The following PPP1R16B variants were observed in gnomAD, a reference collection of about 807,000 sequenced individuals.
The protein encoded by PPP1R16B is protein phosphatase 1 regulatory inhibitor subunit 16B.
In PPP1R16B, 14 loss-of-function variants were observed where a neutral mutation model predicts 61.7. That is an observed-to-expected ratio of 0.23 (90% CI 0.15 to 0.35). The LOEUF is 0.35. PPP1R16B is among the 10% of genes least tolerant of loss of function. The pLI is 1.00. For synonymous variants in PPP1R16B, 266 were observed against 305.3 expected (o/e 0.87, Z 1.34); for missense variants, 547 against 752.5 (o/e 0.73, Z 3.19).
chr20:38,835,596 T>C (rs567776084), intron 1 of PPP1R16B, among the ~76,000 whole-genome samples: 10 of 152,384 alleles, frequency 6.6e-5, no homozygotes, highest in Non-Finnish European at 1.2e-4. Flanking sequence ...TACTTTATTC[T>C]AATTGATTTA....
At chr20:38,906,290 T>G (rs1014929268) in intron 7 of PPP1R16B, among the ~76,000 whole-genome samples, 196 bp downstream of exon 7, 7 of 120,228 alleles carry the variant, frequency 5.8e-5, no homozygotes, top group African/African-American at 1.5e-4. Context: ...TGTGTTTTTT[T>G]TTTTTTTTTT....
chr20:38,862,620 G>A (rs2085060353), intron 2 of PPP1R16B, among the ~76,000 whole-genome samples: 1 of 152,316 alleles, frequency 6.6e-6, no homozygotes, highest in South Asian at 2.1e-4. Flanking sequence ...CGTAATGGAT[G>A]GGCCTCATCA....
chr20:38,868,012 A>C (rs950893820), intron 2 of PPP1R16B, among the ~76,000 whole-genome samples: 3 of 152,116 alleles, frequency 2.0e-5, no homozygotes, highest in Non-Finnish European at 4.4e-5. Flanking sequence ...TCCCCCTAAA[A>C]TTGCAGTCCT....
At position 38,839,709 on chromosome 20, in the gene PPP1R16B, G is replaced by A. The variant is rs191589470; in HGVS notation, c.250+3534G>A. Among the ~76,000 whole-genome samples the A allele has an allele frequency of 4.0e-5, 6 of 151,854 alleles. No homozygotes were observed. The South Asian group carries it at 8.3e-4, about 21-fold the overall frequency. ...TTTCTTTTTTTTTTTCCCATCCAAC[G>A]GTATATCTTGGAGACGTTTTCATGC... On this transcript the variant is annotated intron_variant, in intron 2 of 10. Transcript: ENST00000299824.
At chr20:38,869,294 A>G (rs1441187613) in intron 2 of PPP1R16B, among the ~76,000 whole-genome samples, 139 of 151,822 alleles carry the variant, frequency 9.2e-4, no homozygotes, top group Middle Eastern at 3.4e-3. Context: ...GAGTAGCTGG[A>G]ATTACAGGCG....
intron 4 of PPP1R16B, among the ~76,000 whole-genome samples, chr20:38,897,245 C>G (rs6028187): frequency 6.6e-6 from 1 of 152,016 alleles, no homozygotes; most frequent in Non-Finnish European, 1.5e-5. Flanking sequence ...GAGAATCGCT[C>G]GAACCCAGGA....
At position 38,907,823 on chromosome 20, in the gene PPP1R16B, G is replaced by A; in HGVS notation, c.916G>A (p.Glu306Lys). The change falls in exon 9 of 11, where the codon GAG becomes AAG. Residue 306 changes from glutamate to lysine, a missense_variant. By Grantham distance (56) the Glu-to-Lys change is moderately conservative. Transcript: ENST00000299824. This position sits in a 1 kb window ranked among gnomAD's most constrained non-coding sequence, Gnocchi z 4.5. ...CCCTTCAGACCTGTGCGAGGAGGAA[G>A]AGTTCAAGGTCCTGCTGCTGGAGCT... is the stretch of plus-strand genomic sequence containing the variant. ...EMPIDLCEEE[E>K]FKVLLLELKH... The A allele has an allele frequency of 1.2e-6, 2 of 1,614,176 alleles. No individual in the cohort carries two copies. Among genetic ancestry groups the A allele is most frequent in the Non-Finnish European group, 1.7e-6 (2 of 1,180,010 alleles).
chr20:38,862,021 C>A (rs1266195828), intron 2 of PPP1R16B, among the ~76,000 whole-genome samples: 1 of 152,170 alleles, frequency 6.6e-6, no homozygotes, highest in Admixed American at 6.5e-5. Flanking sequence ...TCTTGTGAGG[C>A]TGACACCAGC....
intron 1 of PPP1R16B, among the ~76,000 whole-genome samples, chr20:38,826,026 G>A (rs1257130489): frequency 6.6e-6 from 1 of 152,192 alleles, no homozygotes; most frequent in Non-Finnish European, 1.5e-5. Flanking sequence ...AGGAAAGTTT[G>A]GTCATGAGTG....
chr20:38,914,968 G>A (rs1279687956), intron 10 of PPP1R16B, among the ~76,000 whole-genome samples: 2 of 152,112 alleles, frequency 1.3e-5, no homozygotes, highest in African/African-American at 2.4e-5. Flanking sequence ...GCACCCAGCA[G>A]GGATTTTTTT....
At position 38,835,885 on chromosome 20, in the gene PPP1R16B, C is replaced by G; in HGVS notation, c.-41C>G. 1.3e-6 allele frequency: 2 copies of G among 1,491,774 alleles called. No individual in the cohort carries two copies. The highest frequency in any genetic ancestry group is 2.6e-5 in the South Asian group (2 of 77,642). 92.4% of individuals were successfully genotyped at this position (1,491,774 alleles called of 1,614,324 possible). On this transcript the variant is annotated 5_prime_UTR_variant, in exon 2 of 11. Coordinates refer to ENST00000299824, the MANE Select transcript of PPP1R16B (RefSeq NM_015568.4). ...CGCGCTGCCCTGGCCCCCGGTGCAC[C>G]GTGCTAGCCCCCAGCCAGGGCGTTG...
chr20:38,877,205 T>C (rs1207139222), intron 2 of PPP1R16B, among the ~76,000 whole-genome samples: 2 of 152,250 alleles, frequency 1.3e-5, no homozygotes, highest in African/African-American at 4.8e-5. Context: ...ACAATGCTGC[T>C]GTGAACATCC....
chr20:38,825,107 T>C (rs947580335), intron 1 of PPP1R16B, among the ~76,000 whole-genome samples: 1 of 152,258 alleles, frequency 6.6e-6, no homozygotes, highest in Non-Finnish European at 1.5e-5. Context: ...AGAGTGGTCT[T>C]ATAAGGCAGC....
At chr20:38,849,259 T>C (rs568175630) in intron 2 of PPP1R16B, among the ~76,000 whole-genome samples, 2 of 152,076 alleles carry the variant, frequency 1.3e-5, no homozygotes, top group Non-Finnish European at 2.9e-5. Flanking sequence ...ATCTTGGGGG[T>C]TTCTATTTAG....
chr20:38,852,368 C>T (rs1601256913), intron 2 of PPP1R16B, among the ~76,000 whole-genome samples: 1 of 152,332 alleles, frequency 6.6e-6, no homozygotes, highest in Non-Finnish European at 1.5e-5. Context: ...AATTATTCTC[C>T]TGTGATCCTG....
intron 6 of PPP1R16B, 138 bp downstream of exon 6, chr20:38,902,930 C>T: frequency 1.5e-6 from 2 of 1,372,016 alleles, no homozygotes; most frequent in Non-Finnish European, 9.8e-7. Flanking sequence ...GCCAGGATTG[C>T]CCCTGGATAG....
intron 2 of PPP1R16B, among the ~76,000 whole-genome samples, chr20:38,880,267 G>A (rs530032734): frequency 3.3e-5 from 5 of 152,012 alleles, no homozygotes; most frequent in African/African-American, 4.8e-5. Context: ...TGAGAAGGGT[G>A]CCTGGCCCAG....
At chr20:38,900,503 G>C in intron 4 of PPP1R16B, 78 bp from the exon 5 acceptor site, 1 of 1,115,932 alleles carries the variant, frequency 9.0e-7, no homozygotes, top group Non-Finnish European at 1.3e-6. Flanking sequence ...GATTGCAGGC[G>C]AGAGGCCAGA....
chr20:38,909,587 T>C (rs2085472860), intron 10 of PPP1R16B, among the ~76,000 whole-genome samples: 1 of 152,166 alleles, frequency 6.6e-6, no homozygotes, highest in Admixed American at 6.5e-5. Context: ...TGGTCTGCCA[T>C]TTTCGTTCTT....
Sources: allele counts gnomAD v4.1 joint callset (sites outside exome capture counted in the v4.1 genomes callset), GRCh38; gene constraint gnomAD v4.1.1; non-coding constraint Gnocchi (gnomAD v3.1); transcripts MANE v1.5; gene names NCBI Gene and HGNC (gene_info 2026-07-23, HGNC 2026-07-21).